Variants in SCAPER observed in about 807,000 individuals in gnomAD.
SCAPER encodes the protein S-phase cyclin A associated protein in the ER, also known as S phase cyclin A-associated protein in the endoplasmic reticulum.
Under a neutral mutation model 182.2 loss-of-function variants are expected in SCAPER, and 98 were observed. The observed-to-expected ratio is 0.54, with a 90% CI of 0.46 to 0.64. The LOEUF (loss-of-function observed/expected upper bound fraction) is 0.64. Among genes scored for constraint, SCAPER ranks in the 30% least tolerant of loss-of-function variants. The probability of loss-of-function intolerance (pLI) is 0.00; values close to 1 mark genes in which losing one functional copy is unlikely to be tolerated. For missense variants in SCAPER, 1,432 were observed against 1,690.0 expected (o/e 0.85, Z 2.68); for synonymous variants, 605 against 564.6 (o/e 1.07, Z -1.01).
At chr15:76,776,268 C>T (rs2063738916) in intron 8 of SCAPER, among the ~76,000 whole-genome samples, 1 of 152,062 alleles carries the variant, frequency 6.6e-6, no homozygotes, top group African/African-American at 2.4e-5. Context: ...AAAAGGGTGG[C>T]CTAACAAAAC....
chr15:76,784,092 ATTGTCCCTGT>A (rs2064385661), intron 8 of SCAPER, among the ~76,000 whole-genome samples: 1 of 152,198 alleles, frequency 6.6e-6, no homozygotes, highest in Non-Finnish European at 1.5e-5. Context: ...AGGAAGTCAA[ATTGTCCCTGT>A]TTGCAGATGA....
At chr15:76,559,290 A>C (rs1455948870) in intron 23 of SCAPER, among the ~76,000 whole-genome samples, 2 of 148,048 alleles carry the variant, frequency 1.4e-5, no homozygotes, top group African/African-American at 2.6e-5. Context: ...TCCTGACCTC[A>C]AGTGATCCAC....
At chr15:76,691,569 C>T (rs963005816) in intron 20 of SCAPER, among the ~76,000 whole-genome samples, 6 of 152,000 alleles carry the variant, frequency 3.9e-5, no homozygotes, top group Non-Finnish European at 7.4e-5. Flanking sequence ...GGAAGCAAGA[C>T]GATAGAGAAT....
At chr15:76,485,673 G>T (rs2051563561) in intron 24 of SCAPER, among the ~76,000 whole-genome samples, 1 of 152,128 alleles carries the variant, frequency 6.6e-6, no homozygotes, top group Non-Finnish European at 1.5e-5. Flanking sequence ...CATGGTGCTG[G>T]TACAAAAACA....
chr15:76,437,205 A>G (rs955350169), intron 25 of SCAPER, among the ~76,000 whole-genome samples: 2 of 152,094 alleles, frequency 1.3e-5, no homozygotes, highest in Non-Finnish European at 2.9e-5. Flanking sequence ...TTAGACTTTC[A>G]ACCAATTCCC....
At chr15:76,658,669 A>G (rs1473006599) in intron 21 of SCAPER, among the ~76,000 whole-genome samples, 1 of 152,202 alleles carries the variant, frequency 6.6e-6, no homozygotes, top group Non-Finnish European at 1.5e-5. Context: ...ACTTCATACT[A>G]TACCTTACAA....
intron 23 of SCAPER, among the ~76,000 whole-genome samples, chr15:76,528,797 A>C (rs1484105477): frequency 1.3e-5 from 2 of 151,892 alleles, no homozygotes; most frequent in Non-Finnish European, 2.9e-5. Flanking sequence ...TCTTTATCTG[A>C]CTCATCACTA....
chr15:76,469,295 G>A (rs951337506), intron 25 of SCAPER, among the ~76,000 whole-genome samples: 4 of 122,036 alleles, frequency 3.3e-5, no homozygotes, highest in African/African-American at 7.5e-5. Context: ...AGAGCATGAA[G>A]TTATTTTTTT....
intron 22 of SCAPER, among the ~76,000 whole-genome samples, chr15:76,577,662 C>A (rs2047945058): frequency 6.6e-6 from 1 of 152,078 alleles, no homozygotes; most frequent in South Asian, 2.1e-4. Flanking sequence ...CATCTGCTGA[C>A]AAAAGACTCC....
intron 22 of SCAPER, among the ~76,000 whole-genome samples, chr15:76,609,202 T>C (rs1015639198): frequency 1.2e-4 from 18 of 152,098 alleles, no homozygotes; most frequent in Non-Finnish European, 2.5e-4. Context: ...TCTTAGAATA[T>C]TGGGCTGGGC....
chr15:76,765,674 T>C, intron 11 of SCAPER, 36 bp from the exon 12 acceptor site: 1 of 1,464,826 alleles, frequency 6.8e-7, no homozygotes, highest in Non-Finnish European at 9.4e-7. Context: ...AATCAAATCT[T>C]TGAACACAAT....
chr15:76,635,670 ACT>A (rs1339700031), intron 21 of SCAPER, among the ~76,000 whole-genome samples: 8 of 152,162 alleles, frequency 5.3e-5, no homozygotes, highest in Admixed American at 5.2e-4. Flanking sequence ...TTCTTTTGCC[ACT>A]GAGTATGGCT....
At chr15:76,686,496 T>C (rs1398896300) in intron 20 of SCAPER, among the ~76,000 whole-genome samples, 1 of 152,070 alleles carries the variant, frequency 6.6e-6, no homozygotes, top group Non-Finnish European at 1.5e-5. Flanking sequence ...AAAAACAGTA[T>C]AGGATCATCT....
At chr15:76,673,728 A>G (rs188126748) in intron 20 of SCAPER, among the ~76,000 whole-genome samples, 4 of 152,148 alleles carry the variant, frequency 2.6e-5, no homozygotes, top group Admixed American at 6.5e-5. Flanking sequence ...AAAAGTAAGC[A>G]GAGTTTCTTA....
At chr15:76,825,179 C>T (rs1341319202) in intron 5 of SCAPER, among the ~76,000 whole-genome samples, 1 of 152,182 alleles carries the variant, frequency 6.6e-6, no homozygotes, top group Non-Finnish European at 1.5e-5. Flanking sequence ...TGCTTTTATT[C>T]AGCCTCAAGG....
At chr15:76,643,607 G>A (rs1177543761) in intron 21 of SCAPER, among the ~76,000 whole-genome samples, 3 of 152,126 alleles carry the variant, frequency 2.0e-5, no homozygotes, top group African/African-American at 4.8e-5. Flanking sequence ...GCTTGAACTC[G>A]GGAGGCAGAG....
intron 16 of SCAPER, among the ~76,000 whole-genome samples, chr15:76,731,438 G>A (rs2060917063): frequency 6.6e-6 from 1 of 152,184 alleles, no homozygotes; most frequent in African/African-American, 2.4e-5. Flanking sequence ...ATATATGATG[G>A]CAGCACTTGG....
At chr15:76,693,819 G>C (rs1378604811) in intron 20 of SCAPER, among the ~76,000 whole-genome samples, 1 of 151,964 alleles carries the variant, frequency 6.6e-6, no homozygotes, top group Non-Finnish European at 1.5e-5. Context: ...TGATCACCAG[G>C]GTCTGGAGGG....
chr15:76,745,474 G>A (rs2061746364), intron 15 of SCAPER, among the ~76,000 whole-genome samples: 1 of 151,622 alleles, frequency 6.6e-6, no homozygotes, highest in Non-Finnish European at 1.5e-5. Context: ...ACAAAACAAA[G>A]CAAAACAAAT....
Sources: gnomAD v4.1 joint callset for allele counts (sites outside exome capture counted in the v4.1 genomes callset) on GRCh38, gnomAD v4.1.1 for gene constraint, MANE v1.5 for transcripts, NCBI Gene and HGNC (gene_info 2026-07-23, HGNC 2026-07-21) for gene names.